The following GAGE10 variants were observed in gnomAD, a reference collection of about 807,000 sequenced individuals.
The protein encoded by GAGE10 is G antigen 10.
Under a neutral mutation model 11.5 loss-of-function variants are expected in GAGE10, and 9 were observed. The ratio of observed to expected loss-of-function variants is 0.78; its 90% CI spans 0.47 to 1.37. GAGE10 has a LOEUF of 1.37. Among genes scored for constraint, GAGE10 ranks in the 40% most tolerant of loss-of-function variants. The pLI, the probability that GAGE10 is intolerant of heterozygous loss-of-function variation, is 0.00. For synonymous variants in GAGE10, 23 were observed against 29.7 expected, an observed-to-expected ratio of 0.77 and a Z score of 0.73; for missense variants, 83 against 92.9, an observed-to-expected ratio of 0.89 and a Z score of 0.44.
intron 3 of GAGE10, among the ~76,000 whole-genome samples, chrX:49,314,866 A>C (rs2066386202): frequency 8.9e-6 from 1 of 112,204 alleles, no homozygotes; most frequent in Non-Finnish European, 1.9e-5. Flanking sequence ...ACTTTGCCTA[A>C]CCCTGCCAGT....
intron 2 of GAGE10, 116 bp downstream of exon 2, chrX:49,305,056 A>T (rs2066350762): frequency 2.0e-6 from 2 of 1,011,176 alleles, no homozygotes; most frequent in African/African-American, 3.8e-5. Context: ...ATAAAAAATG[A>T]TGATGGCGTC....
chrX:49,316,986 G>C (rs1201735647), intron 3 of GAGE10, among the ~76,000 whole-genome samples, 177 bp from the exon 4 acceptor site: 13 of 111,132 alleles, frequency 1.2e-4, no homozygotes, highest in Admixed American at 3.8e-4. Context: ...GGAACACCTT[G>C]TTTTCCTGTT....
rs2066395763 is a variant in GAGE10, at chrX:49,317,214, G to A, written c.254G>A (p.Cys85Tyr). The A allele has an allele frequency of 8.3e-7, 1 of 1,207,965 alleles. No individual in the cohort carries two copies. Among genetic ancestry groups the A allele is most frequent in the African/African-American group, 1.7e-5 (1 of 57,784 alleles). ...GAACAGGTTCACCCAAAGACTGGGTGTGAGTGTGGAGATGGTCCTGATGGC... is the reference window on the plus strand; with the variant it reads ...GAACAGGTTCACCCAAAGACTGGGTATGAGTGTGGAGATGGTCCTGATGGC... ...SQEQVHPKTG[C>Y]ECGDGPDGQE... Residue 85 changes from cysteine (C) to tyrosine (Y), a missense_variant, in exon 4 of 5, where the codon TGT becomes TAT. Physicochemically the swap from Cys to Tyr is radical, Grantham distance 194. Transcript: ENST00000407599.
At chrX:49,318,977 T>A (rs2066405129) in intron 4 of GAGE10, among the ~76,000 whole-genome samples, 1 of 114,775 alleles carries the variant, frequency 8.7e-6, no homozygotes, top group African/African-American at 3.2e-5. Context: ...GTTGGACATT[T>A]GGGTTGGTTC....
chrX:49,306,212 C>T (rs1415858987), intron 3 of GAGE10, among the ~76,000 whole-genome samples: 2 of 111,983 alleles, frequency 1.8e-5, no homozygotes, highest in Non-Finnish European at 3.8e-5. Context: ...AAAATATTTT[C>T]AAACAAAACA....
chrX:49,306,337 G>T (rs1381905921), intron 3 of GAGE10, among the ~76,000 whole-genome samples: 2 of 111,950 alleles, frequency 1.8e-5, no homozygotes, highest in African/African-American at 6.5e-5. Flanking sequence ...TTCTCAGTGT[G>T]GGACAGTATA....
chrX:49,317,337 T>A, intron 4 of GAGE10, 49 bp downstream of exon 4: 2 of 1,158,932 alleles, frequency 1.7e-6, no homozygotes, highest in Non-Finnish European at 1.2e-6. Flanking sequence ...GTTTCCACAG[T>A]ATCGTATCAT....
At chrX:49,305,969 G>T (rs1195177054) in intron 3 of GAGE10, among the ~76,000 whole-genome samples, 1 of 111,597 alleles carries the variant, frequency 9.0e-6, no homozygotes, top group Admixed American at 9.5e-5. Flanking sequence ...AGAGGAGCAG[G>T]AGCAGCTCCA....
At chrX:49,310,754 G>GCCC (rs782521648) in intron 3 of GAGE10, among the ~76,000 whole-genome samples, 3,558 of 107,425 alleles carry the variant, frequency 0.033, 150 homozygotes, top group African/African-American at 0.12. Flanking sequence ...CACCCGATTA[G>GCCC]CCCCCCCCCA....
intron 3 of GAGE10, among the ~76,000 whole-genome samples, chrX:49,310,758 C>CCCA (rs1372807781): frequency 9.1e-6 from 1 of 110,351 alleles, no homozygotes; most frequent in African/African-American, 3.3e-5. Flanking sequence ...CGATTAGCCC[C>CCCA]CCCCCACAAA....
intron 3 of GAGE10, among the ~76,000 whole-genome samples, chrX:49,314,678 T>G (rs1293345877): frequency 8.9e-6 from 1 of 112,205 alleles, no homozygotes; most frequent in East Asian, 2.8e-4. Flanking sequence ...AGTCATTCTA[T>G]AAGCATTTTG....
chrX:49,308,770 T>G (rs2066365925), intron 3 of GAGE10, among the ~76,000 whole-genome samples: 1 of 110,952 alleles, frequency 9.0e-6, no homozygotes, highest in Non-Finnish European at 1.9e-5. Context: ...GGTGTGTGTG[T>G]GGACCTACCC....
At chrX:49,306,574 C>G (rs1354457888) in intron 3 of GAGE10, among the ~76,000 whole-genome samples, 13 of 112,164 alleles carry the variant, frequency 1.2e-4, no homozygotes, top group African/African-American at 4.2e-4. Context: ...GTAATTGTAA[C>G]CGAAATCCTA....
intron 3 of GAGE10, among the ~76,000 whole-genome samples, chrX:49,306,074 T>A (rs1428167993): frequency 8.9e-6 from 1 of 112,126 alleles, no homozygotes; most frequent in African/African-American, 3.2e-5. Context: ...GATACTGCCA[T>A]ACAGGTAGCT....
intron 3 of GAGE10, among the ~76,000 whole-genome samples, chrX:49,315,251 C>T (rs1557125101): frequency 8.9e-6 from 1 of 111,919 alleles, no homozygotes. Flanking sequence ...TCTAATTCCT[C>T]TAAAGCAAAG....
At chrX:49,305,996 A>G (rs1219315541) in intron 3 of GAGE10, among the ~76,000 whole-genome samples, 1 of 111,860 alleles carries the variant, frequency 8.9e-6, no homozygotes, top group African/African-American at 3.3e-5. Context: ...GAGTCACTGA[A>G]TGTCAGCCAC....
chrX:49,306,783 G>A (rs1336230969), intron 3 of GAGE10, among the ~76,000 whole-genome samples: 1 of 111,307 alleles, frequency 9.0e-6, no homozygotes, highest in Non-Finnish European at 1.9e-5. Flanking sequence ...TTGAGCCCTG[G>A]AGTTGAAGCC....
intron 4 of GAGE10, 62 bp downstream of exon 4, chrX:49,317,350 T>C: frequency 2.6e-6 from 3 of 1,149,535 alleles, no homozygotes; most frequent in South Asian, 3.6e-5. Context: ...CGTATCATAA[T>C]TATTATTACA....
At chrX:49,314,054 T>G (rs1432174656) in intron 3 of GAGE10, among the ~76,000 whole-genome samples, 1 of 112,376 alleles carries the variant, frequency 8.9e-6, no homozygotes, top group African/African-American at 3.2e-5. Context: ...TTGTTATTAC[T>G]GCAAATGCTG....
Sources: allele counts gnomAD v4.1 joint callset (sites outside exome capture counted in the v4.1 genomes callset), GRCh38; gene constraint gnomAD v4.1.1; transcripts MANE v1.5; gene names NCBI Gene and HGNC (gene_info 2026-07-23, HGNC 2026-07-21).